The following SETBP1 variants were observed in gnomAD, a reference collection of about 807,000 sequenced individuals.
The protein encoded by SETBP1 is SET binding protein 1, also known as SET-binding protein.
SETBP1 carries 9 observed loss-of-function variants against 101.0 expected under a neutral mutation model. That is an observed-to-expected ratio of 0.09 (90% CI 0.05 to 0.16). SETBP1 has a LOEUF of 0.16. SETBP1 is among the 10% of genes least tolerant of loss of function. SETBP1 has a pLI of 1.00. For missense variants in SETBP1, 1,858 were observed against 2,033.8 expected, an observed-to-expected ratio of 0.91 and a Z score of 1.66; for synonymous variants, 818 against 788.5, an observed-to-expected ratio of 1.04 and a Z score of -0.63.
At chr18:44,746,327 C>G (rs1203761042) in intron 2 of SETBP1, among the ~76,000 whole-genome samples, 1 of 152,118 alleles carries the variant, frequency 6.6e-6, no homozygotes, top group African/African-American at 2.4e-5. Flanking sequence ...ATAGTCATAG[C>G]GTTGCTAGCT....
At chr18:45,008,753 A>C (rs544733091) in intron 4 of SETBP1, among the ~76,000 whole-genome samples, 23 of 152,310 alleles carry the variant, frequency 1.5e-4, no homozygotes, top group Non-Finnish European at 2.6e-4. Context: ...TGACTGCCCT[A>C]TAAGCTAATA....
chr18:45,020,130 G>A (rs1244226619), intron 4 of SETBP1, among the ~76,000 whole-genome samples: 2 of 151,808 alleles, frequency 1.3e-5, no homozygotes, highest in Non-Finnish European at 2.9e-5. Context: ...AGTTGGTCCT[G>A]AAATAACCAA....
intron 2 of SETBP1, among the ~76,000 whole-genome samples, chr18:44,868,753 AGG>A (rs2069198250): frequency 2.5e-5 from 2 of 78,954 alleles, no homozygotes; most frequent in Non-Finnish European, 6.0e-5. Flanking sequence ...GAAGGAAGGA[AGG>A]AAGGAAGGAA....
intron 2 of SETBP1, among the ~76,000 whole-genome samples, chr18:44,703,437 A>G (rs916434794): frequency 4.4e-5 from 5 of 114,516 alleles, no homozygotes; most frequent in African/African-American, 1.7e-4. Context: ...TAGGAATCAT[A>G]TTATTTCTTT....
At chr18:44,760,376 C>G (rs1342000440) in intron 2 of SETBP1, among the ~76,000 whole-genome samples, 2 of 152,140 alleles carry the variant, frequency 1.3e-5, no homozygotes, top group African/African-American at 2.4e-5. Context: ...AATTATCAGC[C>G]AGGACCTGTT....
chr18:44,727,087 C>T (rs2069724739), intron 2 of SETBP1, among the ~76,000 whole-genome samples: 1 of 151,942 alleles, frequency 6.6e-6, no homozygotes, highest in Admixed American at 6.6e-5. Flanking sequence ...AGTCCTTTTC[C>T]ATAATGTTCG....
Position 45,023,420 on chromosome 18 carries a change from T to C in SETBP1, c.4001-15065T>C, listed in dbSNP as rs530633012. 6.6e-5 allele frequency among the ~76,000 whole-genome samples: 10 copies of C among 152,354 alleles called. No individual in the cohort carries two copies. The East Asian group carries it at 1.9e-3, about 29-fold the overall frequency. On this transcript the variant is annotated intron_variant, in intron 4 of 5. Transcript: ENST00000649279. Reference sequence around the variant, plus strand: ...ATATTCGGCTACCCAAAGACTAGACTGTTTCTTATATTTTACAGTCCCCCA... The same window carrying C: ...ATATTCGGCTACCCAAAGACTAGACCGTTTCTTATATTTTACAGTCCCCCA...
At chr18:44,947,360 G>A (rs763963715) in intron 3 of SETBP1, among the ~76,000 whole-genome samples, 72 of 152,012 alleles carry the variant, frequency 4.7e-4, no homozygotes, top group Non-Finnish European at 2.5e-4. Flanking sequence ...CTGGCCTAGC[G>A]TCACCATGGA....
chr18:44,990,054 T>C (rs2072332671), intron 4 of SETBP1, among the ~76,000 whole-genome samples: 1 of 151,768 alleles, frequency 6.6e-6, no homozygotes, highest in African/African-American at 2.4e-5. Context: ...CTTCAAAGTA[T>C]ATAAAGAAAA....
intron 2 of SETBP1, among the ~76,000 whole-genome samples, chr18:44,778,406 A>G (rs1308490237): frequency 6.6e-6 from 1 of 152,210 alleles, no homozygotes; most frequent in African/African-American, 2.4e-5. Context: ...GAAGTTCATC[A>G]AAAGCTTTAT....
chr18:44,693,457 G>A (rs190144580), intron 1 of SETBP1, among the ~76,000 whole-genome samples: 84 of 152,270 alleles, frequency 5.5e-4, no homozygotes, highest in African/African-American at 1.7e-3. Flanking sequence ...GGGGAGTTAT[G>A]ATCTGGTTTG....
intron 4 of SETBP1, among the ~76,000 whole-genome samples, chr18:44,992,302 A>G (rs924996050): frequency 3.3e-5 from 5 of 152,090 alleles, no homozygotes; most frequent in Admixed American, 6.5e-5. Flanking sequence ...AGAGAGGATC[A>G]ATAAAGCCGA....
At chr18:44,966,823 C>T (rs1344023880) in intron 4 of SETBP1, among the ~76,000 whole-genome samples, 1 of 152,202 alleles carries the variant, frequency 6.6e-6, no homozygotes, top group African/African-American at 2.4e-5. Context: ...CGTAGTGCAA[C>T]CTTGGGCAAC....
At chr18:45,019,514 T>C (rs923726455) in intron 4 of SETBP1, among the ~76,000 whole-genome samples, 1 of 152,242 alleles carries the variant, frequency 6.6e-6, no homozygotes, top group Non-Finnish European at 1.5e-5. Context: ...TCATTGGCAA[T>C]TCTTGACTAT....
chr18:44,991,558 A>G (rs759505045), intron 4 of SETBP1, among the ~76,000 whole-genome samples: 8 of 152,284 alleles, frequency 5.3e-5, no homozygotes, highest in Non-Finnish European at 1.0e-4. Flanking sequence ...GTCATAGCAC[A>G]GCTGAAATGA....
intron 4 of SETBP1, among the ~76,000 whole-genome samples, chr18:45,022,063 T>C (rs954241207): frequency 6.6e-6 from 1 of 152,184 alleles, no homozygotes; most frequent in Non-Finnish European, 1.5e-5. Flanking sequence ...TTAAAATTGC[T>C]TGGCCACCTT....
intron 2 of SETBP1, among the ~76,000 whole-genome samples, chr18:44,746,594 C>T (rs1206412028): frequency 6.6e-5 from 10 of 152,108 alleles, no homozygotes; most frequent in Admixed American, 5.9e-4. Flanking sequence ...TCTCTTTGTT[C>T]CCCCATAATG....
intron 4 of SETBP1, among the ~76,000 whole-genome samples, chr18:44,975,887 G>T (rs1343726643): frequency 6.6e-6 from 1 of 152,172 alleles, no homozygotes; most frequent in East Asian, 1.9e-4. Flanking sequence ...AGCTCAGAGG[G>T]TTAAGTGTCC....
intron 2 of SETBP1, among the ~76,000 whole-genome samples, chr18:44,760,672 G>A (rs967216546): frequency 6.6e-6 from 1 of 152,138 alleles, no homozygotes; most frequent in African/African-American, 2.4e-5. Flanking sequence ...AGTGTAGTGT[G>A]CGATAACAAT....
Sources: gnomAD v4.1 joint callset for allele counts (sites outside exome capture counted in the v4.1 genomes callset) on GRCh38, gnomAD v4.1.1 for gene constraint, MANE v1.5 for transcripts, NCBI Gene and HGNC (gene_info 2026-07-23, HGNC 2026-07-21) for gene names.